GDI2: variants seen among roughly 807,000 people sequenced by gnomAD.
GDI2 encodes the protein rab GDP dissociation inhibitor beta.
A neutral mutation model predicts 54.2 loss-of-function variants in GDI2; 22 were observed. The ratio of observed to expected loss-of-function variants is 0.41; its 90% CI spans 0.29 to 0.58. The LOEUF is 0.58. Among genes scored for constraint, GDI2 ranks in the 20% least tolerant of loss-of-function variants. GDI2 has a pLI of 0.35. For synonymous variants in GDI2, 177 were observed against 182.1 expected (o/e 0.97, Z 0.23); for missense variants, 422 against 546.0 (o/e 0.77, Z 2.26).
At chr10:5,771,399 T>C (rs555219659) in intron 7 of GDI2, among the ~76,000 whole-genome samples, 28 of 152,328 alleles carry the variant, frequency 1.8e-4, no homozygotes, top group African/African-American at 6.3e-4. Context: ...TTTTTGCTTA[T>C]TTGTGGTGGC....
intron 1 of GDI2, among the ~76,000 whole-genome samples, chr10:5,810,295 G>GA (rs1055627713): frequency 3.3e-5 from 5 of 152,050 alleles, no homozygotes; most frequent in African/African-American, 1.2e-4. Context: ...AAAATGGGAA[G>GA]AAAAAAACCT....
chr10:5,777,521 G>GA, intron 6 of GDI2, among the ~76,000 whole-genome samples: 1 of 151,992 alleles, frequency 6.6e-6, no homozygotes, highest in East Asian at 1.9e-4. Flanking sequence ...CAAGAAACAT[G>GA]AAAAAAAGCT....
chr10:5,806,009 C>G (rs1225668573), intron 1 of GDI2, among the ~76,000 whole-genome samples: 1 of 152,170 alleles, frequency 6.6e-6, no homozygotes, highest in African/African-American at 2.4e-5. Context: ...ACAAATAATG[C>G]TCTATCAACA....
At chr10:5,794,182 AAAAAAAATAT>A (rs1841081223) in intron 4 of GDI2, among the ~76,000 whole-genome samples, 1 of 54,392 alleles carries the variant, frequency 1.8e-5, no homozygotes, top group African/African-American at 6.7e-5. Context: ...GAAAAAAAAA[AAAAAAAATAT>A]ATATATATAT....
chr10:5,776,204 C>A lies in GDI2; in HGVS notation c.720-2263G>T, dbSNP rs1564389951. The A allele has an allele frequency of 2.6e-6, 1 of 388,104 alleles. No individual in the cohort carries two copies. Among genetic ancestry groups the A allele is most frequent in the South Asian group, 3.0e-5 (1 of 33,044 alleles). The allele number at this position is 388,104 out of a possible 1,614,324, so 24.0% of individuals were successfully genotyped here. On this transcript the variant is annotated intron_variant, in intron 6 of 10. Transcript: ENST00000380191. This position sits in a 1 kb window ranked among gnomAD's most constrained non-coding sequence, Gnocchi z 5.3. ...GTGAAGCTGACAGTCTGAGCAGGCTCATTTTTCACTGGAATTGCAAAGGAA... is the reference window on the plus strand; with the variant it reads ...GTGAAGCTGACAGTCTGAGCAGGCTAATTTTTCACTGGAATTGCAAAGGAA...
intron 4 of GDI2, among the ~76,000 whole-genome samples, chr10:5,792,046 G>A (rs1361520974): frequency 6.6e-6 from 1 of 152,140 alleles, no homozygotes; most frequent in Non-Finnish European, 1.5e-5. Context: ...TATTATATGA[G>A]AAACAACTAA....
In GDI2 at chr10:5,766,078, C is replaced by T; in HGVS notation, c.1266G>A (p.Lys422=). 6.2e-7 allele frequency: 1 copy of T among 1,607,956 alleles called. No individual in the cohort carries two copies. Among genetic ancestry groups the T allele is most frequent in the Non-Finnish European group, 8.5e-7 (1 of 1,177,862 alleles). ...TTCDDIKNIY[K]RMTGSEFDFE... is the part of the protein sequence containing the mutation. ...AGTCAAACTCTGATCCTGTCATCCT[C>T]TTATAGATGTTTTTAATGTCATCAC... The change falls in exon 11 of 11, where the codon AAG becomes AAA. Residue 422 remains lysine, a synonymous_variant. Transcript: ENST00000380191. This position sits in a 1 kb window ranked among gnomAD's most constrained non-coding sequence, Gnocchi z 5.8.
chr10:5,813,291 A>G lies in GDI2; in HGVS notation c.-33T>C. On this transcript the variant is annotated 5_prime_UTR_variant, in exon 1 of 11. Transcript: ENST00000380191. ...CAGGCGCGGACGCAGGACCCGAGCA[A>G]GGAAAAGGCGCAGGGGCTCCGTGAC... The G allele has an allele frequency of 6.5e-7, 1 of 1,544,108 alleles. No individual in the cohort carries two copies. Among genetic ancestry groups the G allele is most frequent in the Non-Finnish European group, 8.8e-7 (1 of 1,137,506 alleles).
chr10:5,807,261 T>A (rs1841396907), intron 1 of GDI2, among the ~76,000 whole-genome samples: 1 of 152,254 alleles, frequency 6.6e-6, no homozygotes, highest in South Asian at 2.1e-4. Flanking sequence ...AAAATTTTAA[T>A]ATTTTTCCAA....
At chr10:5,788,577 G>A (rs928857897) in intron 4 of GDI2, among the ~76,000 whole-genome samples, 3 of 152,076 alleles carry the variant, frequency 2.0e-5, no homozygotes, top group African/African-American at 4.8e-5. Flanking sequence ...ATACACTAAC[G>A]ATAGCTAATG....
chr10:5,790,478 T>C (rs923476409), intron 4 of GDI2, among the ~76,000 whole-genome samples: 1 of 151,966 alleles, frequency 6.6e-6, no homozygotes, highest in African/African-American at 2.4e-5. Context: ...ACCCTATCTC[T>C]ATTAAAAATA....
intron 6 of GDI2, among the ~76,000 whole-genome samples, chr10:5,779,885 G>A (rs939029916): frequency 1.2e-4 from 18 of 151,834 alleles, no homozygotes; most frequent in African/African-American, 4.1e-4. Context: ...TAGAGACAGG[G>A]TTTCACCAGG....
At chr10:5,784,244 C>T (rs1026419093) in intron 6 of GDI2, among the ~76,000 whole-genome samples, 27 of 152,186 alleles carry the variant, frequency 1.8e-4, no homozygotes, top group African/African-American at 6.5e-4. Flanking sequence ...GTGCATTTTG[C>T]ATGTCTCTAA....
chr10:5,785,340 T>A, intron 5 of GDI2, 67 bp from the exon 6 acceptor site: 1 of 1,232,738 alleles, frequency 8.1e-7, no homozygotes, highest in Non-Finnish European at 1.1e-6. Context: ...AATTTATAAT[T>A]TTTTTTGAAG....
intron 2 of GDI2, among the ~76,000 whole-genome samples, chr10:5,798,839 G>A (rs1157242982): frequency 7.0e-6 from 1 of 143,104 alleles, no homozygotes; most frequent in Non-Finnish European, 1.5e-5. Context: ...GCCAGGCATG[G>A]TGGTCCACAC....
At chr10:5,791,135 T>A (rs1333013902) in intron 4 of GDI2, among the ~76,000 whole-genome samples, 1 of 152,004 alleles carries the variant, frequency 6.6e-6, no homozygotes, top group East Asian at 1.9e-4. Context: ...CTACAAAAAA[T>A]TTTTTAAATT....
chr10:5,770,341 A>AT (rs374164717), intron 7 of GDI2, among the ~76,000 whole-genome samples: 8 of 152,204 alleles, frequency 5.3e-5, no homozygotes, highest in Non-Finnish European at 1.2e-4. Context: ...TGGGTGGATC[A>AT]TTTGAGGTTA....
chr10:5,812,621 C>T (rs928935963), intron 1 of GDI2, among the ~76,000 whole-genome samples: 25 of 152,342 alleles, frequency 1.6e-4, no homozygotes, highest in Non-Finnish European at 2.5e-4. Context: ...TTCAATAATA[C>T]TTCTCATTAG....
chr10:5,780,467 G>C (rs533573217), intron 6 of GDI2, among the ~76,000 whole-genome samples: 20 of 152,170 alleles, frequency 1.3e-4, no homozygotes, highest in South Asian at 8.3e-4. Flanking sequence ...TATAAAAGAA[G>C]AATCTCTTTA....
Sources: gnomAD v4.1 joint callset for allele counts (sites outside exome capture counted in the v4.1 genomes callset) on GRCh38, gnomAD v4.1.1 for gene constraint, Gnocchi (gnomAD v3.1) non-coding constraint, MANE v1.5 for transcripts, NCBI Gene and HGNC (gene_info 2026-07-23, HGNC 2026-07-21) for gene names.